Variants in CYRIA observed in about 807,000 individuals in gnomAD.
The protein encoded by CYRIA is CYFIP-related Rac1 interactor A.
Under a neutral mutation model 43.9 loss-of-function variants are expected in CYRIA, and 15 were observed. The observed-to-expected ratio is 0.34, with a 90% CI of 0.23 to 0.53. CYRIA has a LOEUF of 0.53. Ranked by LOEUF, CYRIA falls within the 20% of genes least tolerant of loss-of-function variation. The pLI is 0.94. For synonymous variants in CYRIA, 117 were observed against 136.0 expected, an observed-to-expected ratio of 0.86 and a Z score of 0.97; for missense variants, 236 against 394.2, an observed-to-expected ratio of 0.60 and a Z score of 3.40.
Position 16,565,667 on chromosome 2 carries a change from G to A in CYRIA, c.171C>T (p.Gly57=), listed in dbSNP as rs1001122966. 7.0e-6 allele frequency: 11 copies of A among 1,580,548 alleles called. No homozygotes were observed. Among genetic ancestry groups the A allele is most frequent in the African/African-American group, 4.0e-5 (3 of 74,274 alleles). ...SILADLQAYK[G]AGPEIRDAIQ... ...ATACATCTCGGATCTCTGGGCCTGC[G>A]CCTTTGTAAGCCTGCAGGTCTGCAA... Residue 57 remains glycine, a synonymous_variant, in exon 4 of 12, where the codon GGC becomes GGT. Coordinates refer to ENST00000381323, the MANE Select transcript of CYRIA (RefSeq NM_030797.4).
intron 10 of CYRIA, among the ~76,000 whole-genome samples, chr2:16,555,720 A>G (rs1666484378): frequency 6.6e-6 from 1 of 152,098 alleles, no homozygotes; most frequent in African/African-American, 2.4e-5. Context: ...CTGTGCTCCC[A>G]ATACGACTCT....
intron 2 of CYRIA, among the ~76,000 whole-genome samples, chr2:16,602,458 G>A (rs1668246987): frequency 6.6e-6 from 1 of 152,108 alleles, no homozygotes; most frequent in Non-Finnish European, 1.5e-5. Flanking sequence ...TGTCAAAGAT[G>A]TGTCTGATTG....
intron 1 of CYRIA, among the ~76,000 whole-genome samples, chr2:16,626,825 G>T (rs1359167170): frequency 6.6e-6 from 1 of 152,212 alleles, no homozygotes; most frequent in Non-Finnish European, 1.5e-5. Flanking sequence ...ACAGTGCTAT[G>T]CCCTGTGCCT....
At chr2:16,646,701 C>T (rs530422557) in intron 1 of CYRIA, among the ~76,000 whole-genome samples, 19 of 152,102 alleles carry the variant, frequency 1.2e-4, no homozygotes, top group Admixed American at 2.0e-4. Flanking sequence ...GTTGCTGTGA[C>T]GGTATCTGTG....
intron 3 of CYRIA, among the ~76,000 whole-genome samples, chr2:16,586,251 G>A (rs1350293810): frequency 6.6e-6 from 1 of 152,066 alleles, no homozygotes; most frequent in Non-Finnish European, 1.5e-5. Flanking sequence ...ATGCAACAAT[G>A]TAAAATGCAT....
chr2:16,664,776 G>A (rs1670346436), intron 1 of CYRIA, among the ~76,000 whole-genome samples: 1 of 152,164 alleles, frequency 6.6e-6, no homozygotes, highest in African/African-American at 2.4e-5. Flanking sequence ...AGAAAAGGAG[G>A]GTCACAGAGC....
At chr2:16,555,296 T>G (rs1666466978) in intron 10 of CYRIA, among the ~76,000 whole-genome samples, 157 bp from the exon 11 acceptor site, 1 of 152,152 alleles carries the variant, frequency 6.6e-6, no homozygotes, top group South Asian at 2.1e-4. Flanking sequence ...CTCAGGCTGG[T>G]GAGCTGTTCC....
rs770599023 is a variant in CYRIA, at chr2:16,552,911, T to C, written c.*25A>G. 13 of 1,479,518 alleles carry C rather than the reference T, an allele frequency of 8.8e-6. No homozygotes were observed. In the African/African-American group the frequency reaches 1.8e-4, roughly 20 times the overall value. The allele number at this position is 1,479,518 out of a possible 1,614,324, so 91.6% of individuals were successfully genotyped here. On this transcript the variant is annotated 3_prime_UTR_variant, in exon 12 of 12. Coordinates refer to ENST00000381323, the MANE Select transcript of CYRIA (RefSeq NM_030797.4). ...ATATACATCTTCTGAGGTCAGCACA[T>C]AGATCCTCTTCTTTGAGCAGAGCTC...
At chr2:16,605,478 A>C (rs1207851359) in intron 2 of CYRIA, among the ~76,000 whole-genome samples, 1 of 152,162 alleles carries the variant, frequency 6.6e-6, no homozygotes, top group Non-Finnish European at 1.5e-5. Context: ...ACTGCTTGAG[A>C]CACCTGCTTC....
chr2:16,660,783 C>G (rs938095616), intron 1 of CYRIA, among the ~76,000 whole-genome samples: 12 of 152,180 alleles, frequency 7.9e-5, no homozygotes, highest in Non-Finnish European at 1.5e-4. Context: ...TAAGCAGACA[C>G]CAGACTCAGG....
chr2:16,635,953 C>G (rs1054209999), intron 1 of CYRIA, among the ~76,000 whole-genome samples: 2 of 152,128 alleles, frequency 1.3e-5, no homozygotes, highest in African/African-American at 4.8e-5. Flanking sequence ...GAAGCAGAAA[C>G]AGCGTTGGAT....
At chr2:16,608,798 C>T (rs1572502303) in intron 2 of CYRIA, among the ~76,000 whole-genome samples, 1 of 152,128 alleles carries the variant, frequency 6.6e-6, no homozygotes, top group African/African-American at 2.4e-5. Flanking sequence ...AAGTCATTGC[C>T]CTTTTAGCAA....
intron 1 of CYRIA, among the ~76,000 whole-genome samples, chr2:16,638,194 C>A (rs58603124): frequency 0.017 from 2,550 of 152,284 alleles, 77 homozygotes; most frequent in African/African-American, 0.058. Context: ...GCCCACCCTG[C>A]AGGCTGTTAC....
At chr2:16,613,525 C>T (rs1668675481) in intron 2 of CYRIA, among the ~76,000 whole-genome samples, 2 of 149,676 alleles carry the variant, frequency 1.3e-5, no homozygotes, top group South Asian at 4.1e-4. Flanking sequence ...ATTTAATTCT[C>T]ACAATTACCC....
chr2:16,578,891 G>T (rs1230718355), intron 3 of CYRIA, among the ~76,000 whole-genome samples: 2 of 151,992 alleles, frequency 1.3e-5, no homozygotes, highest in Non-Finnish European at 2.9e-5. Context: ...ATTAATGACA[G>T]GTATTAATTC....
chr2:16,608,442 C>T (rs781753221), intron 2 of CYRIA, among the ~76,000 whole-genome samples: 3 of 152,154 alleles, frequency 2.0e-5, no homozygotes, highest in African/African-American at 7.2e-5. Context: ...AATCCCTCAT[C>T]TATTTTAAGA....
At chr2:16,645,143 T>G (rs1435749853) in intron 1 of CYRIA, among the ~76,000 whole-genome samples, 1 of 152,180 alleles carries the variant, frequency 6.6e-6, no homozygotes, top group Admixed American at 6.5e-5. Flanking sequence ...TTTTCATTTT[T>G]TACAGTATAA....
At chr2:16,637,111 T>C (rs997832975) in intron 1 of CYRIA, among the ~76,000 whole-genome samples, 2 of 151,438 alleles carry the variant, frequency 1.3e-5, no homozygotes, top group Non-Finnish European at 2.9e-5. Context: ...ACAGTGGATC[T>C]TGTGATGCCC....
intron 2 of CYRIA, among the ~76,000 whole-genome samples, chr2:16,612,969 T>A (rs758368459): frequency 6.6e-6 from 1 of 152,020 alleles, no homozygotes; most frequent in Non-Finnish European, 1.5e-5. Context: ...TAAATGGGAG[T>A]TCCCCCGCAC....
Sources: allele counts gnomAD v4.1 joint callset (sites outside exome capture counted in the v4.1 genomes callset), GRCh38; gene constraint gnomAD v4.1.1; transcripts MANE v1.5; gene names NCBI Gene and HGNC (gene_info 2026-07-23, HGNC 2026-07-21).